GEMIN5: variants seen among roughly 807,000 people sequenced by gnomAD.
GEMIN5 encodes gem nuclear organelle associated protein 5, also known as gem-associated protein 5.
A neutral mutation model predicts 176.9 loss-of-function variants in GEMIN5; 124 were observed. The observed-to-expected ratio is 0.70, with a 90% CI of 0.61 to 0.81. The LOEUF (loss-of-function observed/expected upper bound fraction) is 0.81. Among genes scored for constraint, GEMIN5 ranks in the 40% least tolerant of loss-of-function variants. The pLI, the probability that GEMIN5 is intolerant of heterozygous loss-of-function variation, is 0.00. For synonymous variants in GEMIN5, 673 were observed against 665.2 expected (o/e 1.01, Z -0.18); for missense variants, 1,843 against 1,814.6 (o/e 1.02, Z -0.28).
chr5:154,920,458 C>G (rs945924572), intron 10 of GEMIN5, among the ~76,000 whole-genome samples: 2 of 152,168 alleles, frequency 1.3e-5, no homozygotes, highest in African/African-American at 2.4e-5. Context: ...GAAATGAGTA[C>G]TCTTTGGGAA....
Position 154,935,853 on chromosome 5 carries a change from A to G in GEMIN5, c.497T>C (p.Leu166Ser), listed in dbSNP as rs748555164. 1 of 1,611,952 alleles carries G rather than the reference A, an allele frequency of 6.2e-7. No individual in the cohort carries two copies. Among genetic ancestry groups the G allele is most frequent in the Non-Finnish European group, 8.5e-7 (1 of 1,178,220 alleles). ...CLTCSPHHED[L>S]VAIGYKDGIV... ...GCATAGTACTTACCCAATGGCTACT[A>G]AATCTTCATGATGAGGTGAACAAGT... Residue 166 changes from leucine (L) to serine (S), a missense_variant, in exon 3 of 28, where the codon TTA (leucine) becomes TCA (serine). Transcript: ENST00000285873.
Position 154,892,248 on chromosome 5 carries a change from G to A in GEMIN5, c.3760+139C>T, listed in dbSNP as rs1763245003. 2.1e-5 allele frequency: 15 copies of A among 703,572 alleles called. No homozygotes were observed. The South Asian group carries it at 2.5e-4, about 12-fold the overall frequency. 43.6% of individuals were successfully genotyped at this position (703,572 alleles called of 1,614,324 possible). A position where few individuals can be genotyped will look rare whatever the true frequency, so the allele number is the denominator to read the frequency against. Reference sequence around the variant, plus strand: ...GTTGTTCTTAAAAGCTTCGGTAAGAGAATCCAAACTTTCTACTAAAATGAC... The same window carrying A: ...GTTGTTCTTAAAAGCTTCGGTAAGAAAATCCAAACTTTCTACTAAAATGAC... On this transcript the variant is annotated intron_variant, in intron 25 of 27. Coordinates refer to ENST00000285873, the MANE Select transcript of GEMIN5 (RefSeq NM_015465.5).
Position 154,905,490 on chromosome 5 carries a change from GA to G in GEMIN5, c.2396-15del. 28 of 1,247,642 alleles carry G rather than the reference GA, an allele frequency of 2.2e-5. No homozygotes were observed. The highest frequency in any genetic ancestry group is 6.7e-5 in the South Asian group (5 of 74,598). 77.3% of individuals were successfully genotyped at this position (1,247,642 alleles called of 1,614,324 possible). A position where few individuals can be genotyped will look rare whatever the true frequency, so the allele number is the denominator to read the frequency against. On this transcript the variant is annotated splice_polypyrimidine_tract_variant and intron_variant, in intron 16 of 27. Transcript: ENST00000285873. ...GTTCTCTAGAAACTACATCATGGGG[GA>G]AAAAGGAAAAAAAAAGTTAAGGATA...
intron 15 of GEMIN5, among the ~76,000 whole-genome samples, chr5:154,908,491 T>C (rs1763621908): frequency 6.6e-6 from 1 of 152,190 alleles, no homozygotes. Context: ...TACCCAGATG[T>C]CTTTTATAGC....
In GEMIN5 at chr5:154,922,772, C is replaced by T. The variant is rs1190424201; in HGVS notation, c.1380-1347G>A. On this transcript the variant is annotated intron_variant, in intron 9 of 27. Coordinates refer to ENST00000285873, the MANE Select transcript of GEMIN5 (RefSeq NM_015465.5). ...AGCACAGTGGCACGATCTCGGCTCA[C>T]CGCAACCTCCGCCTCCTGGGTTCAA... 3.4e-5 allele frequency among the ~76,000 whole-genome samples: 4 copies of T among 119,386 alleles called. No homozygotes were observed. The East Asian group carries it at 1.0e-3, about 30-fold the overall frequency. The allele number at this position is 119,386 out of a possible 152,430, so 78.3% of individuals were successfully genotyped here.
intron 7 of GEMIN5, among the ~76,000 whole-genome samples, chr5:154,926,945 G>C (rs1478711619): frequency 6.6e-6 from 1 of 152,062 alleles, no homozygotes; most frequent in Non-Finnish European, 1.5e-5. Flanking sequence ...AGCTACTCGA[G>C]AGGCTGAGGC....
rs1424893731 is a variant in GEMIN5, at chr5:154,901,362, C to T, written c.2991G>A (p.Leu997=). The change falls in exon 21 of 28, where the codon CTG becomes CTA. Residue 997 remains leucine (L), a synonymous_variant. Transcript: ENST00000285873. ...ACCTGTAAAAATGGTTTGACTTGAG[C>T]AGCTCCACCGCTTCATACACTTTGT... is the stretch of plus-strand genomic sequence containing the variant. ...SIHKVYEAVE[L]LKSNHFYREA... The T allele has an allele frequency of 6.2e-7, 1 of 1,614,064 alleles. No homozygotes were observed. Among genetic ancestry groups the T allele is most frequent in the Non-Finnish European group, 8.5e-7 (1 of 1,179,950 alleles).
rs544502808 is a variant in GEMIN5, at chr5:154,936,979, GCA to G, written c.327+44_327+45del. On this transcript the variant is annotated intron_variant, in intron 2 of 27. Transcript: ENST00000285873. The stretch of plus-strand genomic sequence containing the variant: ...CTAGCTTGCAACAGAAGAACCCTCA[GCA>G]CAGATAGATAAAAACGGTTTGAGAA... 1.5e-4 allele frequency: 223 copies of G among 1,518,208 alleles called. 1 individual carries two copies. In the African/African-American group the frequency reaches 2.7e-3, roughly 18 times the overall value. The allele number at this position is 1,518,208 out of a possible 1,614,324, so 94.0% of individuals were successfully genotyped here.
Position 154,907,838 on chromosome 5 carries a change from GGACT to G in GEMIN5, c.2168-24_2168-21del, listed in dbSNP as rs773710409. 2.6e-6 allele frequency: 4 copies of G among 1,558,616 alleles called. No homozygotes were observed. Among genetic ancestry groups the G allele is most frequent in the East Asian group, 2.3e-5 (1 of 44,268 alleles). ...TTTTGCCTACAAGAATCACAATAAA[GGACT>G]GACTAAAGTATACATTCTTGGTTAA... On this transcript the variant is annotated intron_variant, in intron 15 of 27. Transcript: ENST00000285873.
intron 4 of GEMIN5, 59 bp downstream of exon 4, chr5:154,932,040 G>T: frequency 1.7e-6 from 2 of 1,207,252 alleles, no homozygotes; most frequent in South Asian, 1.3e-5. Flanking sequence ...TGATATAATT[G>T]TACCCGTTCT....
Position 154,899,208 on chromosome 5 carries a change from A to G in GEMIN5, c.3117T>C (p.Tyr1039=). ...WGTVLERDGH[Y]AVAAKCYLGA... ...AGGCTTACCATTTGGCAGCTACAGC[A>G]TAGTGGCCATCTCTTTCTAGGACGG... Residue 1039 remains tyrosine, a synonymous_variant, in exon 22 of 28, where the codon TAT becomes TAC. Coordinates refer to ENST00000285873, the MANE Select transcript of GEMIN5 (RefSeq NM_015465.5). 1.9e-6 allele frequency: 3 copies of G among 1,612,274 alleles called. No individual in the cohort carries two copies. The highest frequency in any genetic ancestry group is 1.7e-6 in the Non-Finnish European group (2 of 1,179,126).
chr5:154,888,688 C>T (rs975745083), intron 27 of GEMIN5, among the ~76,000 whole-genome samples: 4 of 152,236 alleles, frequency 2.6e-5, no homozygotes, highest in Admixed American at 2.6e-4. Context: ...AAGACCTGTC[C>T]ATCTGTAAGC....
chr5:154,899,354 T>C (rs767895856), intron 21 of GEMIN5, 44 bp from the exon 22 acceptor site: 14 of 1,564,670 alleles, frequency 8.9e-6, no homozygotes, highest in African/African-American at 1.4e-5. Context: ...AAAAGGCTCC[T>C]CTGTGTATGG....
rs1272720394 is a variant in GEMIN5 at position 154,932,232 on chromosome 5, C to T, written c.528G>A (p.Val176=). 7 of 1,608,422 alleles carry T rather than the reference C, an allele frequency of 4.4e-6. No homozygotes were observed. The South Asian group carries it at 6.6e-5, about 15-fold the overall frequency. Residue 176 remains valine, a synonymous_variant, in exon 4 of 28, where the codon GTG becomes GTA. Transcript: ENST00000285873. ...LVAIGYKDGI[V]VIIDISKKGE... Reference sequence around the variant, plus strand: ...CTTTCTTACTGATGTCAATTATCACCACTATGCCATCCTTGTAGCTAAAAA... The same window carrying T: ...CTTTCTTACTGATGTCAATTATCACTACTATGCCATCCTTGTAGCTAAAAA...
At chr5:154,904,928 C>T (rs758637207) in intron 17 of GEMIN5, among the ~76,000 whole-genome samples, 6 of 152,240 alleles carry the variant, frequency 3.9e-5, no homozygotes, top group African/African-American at 7.2e-5. Flanking sequence ...CACAATGGCT[C>T]ACGCCTGTAA....
chr5:154,925,783 G>T (rs1192265852), intron 8 of GEMIN5, 79 bp downstream of exon 8: 2 of 759,814 alleles, frequency 2.6e-6, no homozygotes, highest in South Asian at 1.6e-5. Context: ...TCAACAGAGC[G>T]CATTTAAATG....
intron 19 of GEMIN5, among the ~76,000 whole-genome samples, 187 bp from the exon 20 acceptor site, chr5:154,902,863 A>G (rs1446444217): frequency 6.6e-6 from 1 of 152,222 alleles, no homozygotes; most frequent in African/African-American, 2.4e-5. Context: ...ACACTCCCAC[A>G]CCTTCACATG....
chr5:154,906,118 T>A (rs1763562556), intron 16 of GEMIN5, among the ~76,000 whole-genome samples: 1 of 152,054 alleles, frequency 6.6e-6, no homozygotes, highest in Non-Finnish European at 1.5e-5. Flanking sequence ...CTCCTCAGCC[T>A]CCCAGAGTGG....
In GEMIN5 at chr5:154,896,292, C is replaced by T; in HGVS notation, c.3397G>A (p.Glu1133Lys). 2 of 1,611,546 alleles carry T rather than the reference C, an allele frequency of 1.2e-6. No individual in the cohort carries two copies. Among genetic ancestry groups the T allele is most frequent in the Non-Finnish European group, 1.7e-6 (2 of 1,179,074 alleles). ...CTTTTGCCCTCTGAAAGCTGCTTTTCCTCCAGATGCCTGGACAGTAGCTCC... is the reference window on the plus strand; with the variant it reads ...CTTTTGCCCTCTGAAAGCTGCTTTTTCTCCAGATGCCTGGACAGTAGCTCC... Reference protein sequence around the residue: ...LLELLSRHLEEKQLSEGKSSS... With the variant: ...LLELLSRHLEKKQLSEGKSSS... Residue 1133 changes from glutamate to lysine, a missense_variant, in exon 24 of 28, where the codon GAA becomes AAA. Glu to Lys is a moderately conservative substitution (Grantham distance 56). Transcript: ENST00000285873.
Sources: gnomAD v4.1 joint callset for allele counts (sites outside exome capture counted in the v4.1 genomes callset) on GRCh38, gnomAD v4.1.1 for gene constraint, MANE v1.5 for transcripts, NCBI Gene and HGNC (gene_info 2026-07-23, HGNC 2026-07-21) for gene names.